The following RGMB variants were observed in gnomAD, a reference collection of about 807,000 sequenced individuals.
RGMB encodes repulsive guidance molecule BMP co-receptor b.
RGMB carries 16 observed loss-of-function variants against 26.9 expected under a neutral mutation model. The observed-to-expected ratio is 0.60, with a 90% confidence interval of 0.40 to 0.90. The LOEUF (loss-of-function observed/expected upper bound fraction) is 0.90, where lower values mean the gene tolerates loss of function less well. Among genes scored for constraint, RGMB ranks in the 40% least tolerant of loss-of-function variants. The pLI is 0.00. For missense variants in RGMB, 512 were observed against 573.3 expected, an observed-to-expected ratio of 0.89 and a Z score of 1.09; for synonymous variants, 225 against 229.3, an observed-to-expected ratio of 0.98 and a Z score of 0.17.
Position 98,774,021 on chromosome 5 carries a change from C to T in RGMB, c.-50C>T. 1.5e-6 allele frequency: 1 copy of T among 671,078 alleles called. No individual in the cohort carries two copies. 41.6% of individuals were successfully genotyped at this position (671,078 alleles called of 1,614,324 possible). A position where few individuals can be genotyped will look rare whatever the true frequency, so the allele number is the denominator to read the frequency against. ...AGCCACGGGCCCAGACCCGCCACGG[C>T]GCCCGCGCCGCCGCCCTCGCCGGAG... On this transcript the variant is annotated 5_prime_UTR_variant, in exon 1 of 3. Coordinates refer to ENST00000513185, the MANE Select transcript of RGMB (RefSeq NM_001366508.1).
Position 98,774,059 on chromosome 5 carries a change from G to A in RGMB, c.-12G>A. 1.1e-6 allele frequency: 1 copy of A among 900,972 alleles called. No individual in the cohort carries two copies. The highest frequency in any genetic ancestry group is 2.3e-5 in the Admixed American group (1 of 42,726). The allele number at this position is 900,972 out of a possible 1,614,324, so 55.8% of individuals were successfully genotyped here. A position where few individuals can be genotyped will look rare whatever the true frequency, so the allele number is the denominator to read the frequency against. Reference sequence around the variant, plus strand: ...GCCCTCGCCGGAGCCCACGAGACCTGCATGGACGGGCATGGGCTTGAGAGC... The same window carrying A: ...GCCCTCGCCGGAGCCCACGAGACCTACATGGACGGGCATGGGCTTGAGAGC... On this transcript the variant is annotated 5_prime_UTR_variant, in exon 1 of 3. Coordinates refer to ENST00000513185, the MANE Select transcript of RGMB (RefSeq NM_001366508.1).
chr5:98,784,026 G>C (rs1478739080), intron 2 of RGMB, among the ~76,000 whole-genome samples: 11 of 149,384 alleles, frequency 7.4e-5, no homozygotes, highest in Non-Finnish European at 1.7e-4. Flanking sequence ...AGGTCCTACT[G>C]CAGATCTTCT....
chr5:98,773,257 G>T (rs1746234798), upstream of RGMB: 1 of 152,192 alleles, frequency 6.6e-6, no homozygotes, highest in Non-Finnish European at 1.5e-5. Context: ...AAAACTTGGA[G>T]GGAAGATGAA....
intron 2 of RGMB, among the ~76,000 whole-genome samples, chr5:98,786,735 TGTCA>T (rs1301216180): frequency 1.3e-5 from 2 of 152,212 alleles, no homozygotes; most frequent in Non-Finnish European, 2.9e-5. Context: ...CTGGCCAACT[TGTCA>T]GTAAGTAATA....
At chr5:98,790,317 T>G (rs1746889539) in intron 2 of RGMB, among the ~76,000 whole-genome samples, 1 of 152,208 alleles carries the variant, frequency 6.6e-6, no homozygotes, top group Non-Finnish European at 1.5e-5. Flanking sequence ...ACACATATGC[T>G]CTGTGTGAGA....
At position 98,793,711 on chromosome 5, in the gene RGMB, C is replaced by T. The variant is rs1249108571; in HGVS notation, c.1272C>T (p.Val424=). ...GTPRGGSDLS[V]SLGLTCLILI... ...CCCGTGGAGGCAGTGATTTGTCTGTCAGTCTAGGACTCACCTGCTTGATCC... is the reference window on the plus strand; with the variant it reads ...CCCGTGGAGGCAGTGATTTGTCTGTTAGTCTAGGACTCACCTGCTTGATCC... The change falls in exon 3 of 3, where the codon GTC becomes GTT. Residue 424 remains valine, a synonymous_variant. Transcript: ENST00000513185. 6.2e-7 allele frequency: 1 copy of T among 1,605,488 alleles called. No individual in the cohort carries two copies. The highest frequency in any genetic ancestry group is 8.5e-7 in the Non-Finnish European group (1 of 1,175,796).
chr5:98,793,447 C>G lies in RGMB; in HGVS notation c.1008C>G (p.Ser336Arg). Residue 336 changes from serine (S) to arginine (R), a missense_variant, in exon 3 of 3, where the codon AGC becomes AGG. Coordinates refer to ENST00000513185, the MANE Select transcript of RGMB (RefSeq NM_001366508.1). ...AGGTGTCTGCCATCCTGGGACACAG[C>G]CTGCCTCGCACCTCCTTGGTGCAGG... is the stretch of plus-strand genomic sequence containing the variant. Reference protein sequence around the residue: ...QGQVSAILGHSLPRTSLVQAW... With the variant: ...QGQVSAILGHRLPRTSLVQAW... 7 of 1,612,404 alleles carry G rather than the reference C, an allele frequency of 4.3e-6. No homozygotes were observed. Among genetic ancestry groups the G allele is most frequent in the Non-Finnish European group, 5.9e-6 (7 of 1,179,324 alleles).
intron 2 of RGMB, among the ~76,000 whole-genome samples, chr5:98,782,295 A>G (rs1746633172): frequency 6.6e-6 from 1 of 152,214 alleles, no homozygotes; most frequent in Admixed American, 6.5e-5. Context: ...TAAATCTTAC[A>G]ATACGTTCCT....
At chr5:98,788,995 G>A (rs1285005342) in intron 2 of RGMB, among the ~76,000 whole-genome samples, 3 of 152,192 alleles carry the variant, frequency 2.0e-5, no homozygotes, top group South Asian at 2.1e-4. Context: ...CTCCCTTAGA[G>A]TCTTCTATTT....
In RGMB at chr5:98,793,746, T is replaced by G. The variant is rs756660945; in HGVS notation, c.1307T>G (p.Phe436Cys). Residue 436 changes from phenylalanine to cysteine, a missense_variant, in exon 3 of 3, where the codon TTT becomes TGT. Coordinates refer to ENST00000513185, the MANE Select transcript of RGMB (RefSeq NM_001366508.1). ...CTCACCTGCTTGATCCTTATCGTGT[T>G]TTTGTAGGGGTTGTCTTTTGTTTTG... Reference protein sequence around the residue: ...LGLTCLILIVFL With the variant: ...LGLTCLILIVCL The G allele has an allele frequency of 6.4e-7, 1 of 1,558,896 alleles. No individual in the cohort carries two copies. Among genetic ancestry groups the G allele is most frequent in the Non-Finnish European group, 8.7e-7 (1 of 1,150,592 alleles).
At chr5:98,783,095 G>T (rs1746659860) in intron 2 of RGMB, among the ~76,000 whole-genome samples, 1 of 152,134 alleles carries the variant, frequency 6.6e-6, no homozygotes, top group Non-Finnish European at 1.5e-5. Context: ...TTGTTTTCCT[G>T]TTGGTCATGG....
Position 98,783,833 on chromosome 5 carries a change from TAAAC to T in RGMB, c.645+3752_645+3755del, listed in dbSNP as rs971170699. ...TTCATTTATTATTAAGTTGCATACCTAAACAAACAATGGAAATGTTTTTAGTAAT... is the reference window on the plus strand; with the variant it reads ...TTCATTTATTATTAAGTTGCATACCTAAACAATGGAAATGTTTTTAGTAAT... On this transcript the variant is annotated intron_variant, in intron 2 of 2. Coordinates refer to ENST00000513185, the MANE Select transcript of RGMB (RefSeq NM_001366508.1). Among the ~76,000 whole-genome samples the T allele has an allele frequency of 7.8e-4, 119 of 152,360 alleles. 1 individual carries two copies. Among genetic ancestry groups the T allele is most frequent in the Non-Finnish European group, 1.0e-3 (70 of 68,030 alleles).
At chr5:98,770,913 A>AGCCCTTACTCTAGAAAGGATTGC (rs1296204267), upstream of RGMB, 201 of 391,854 alleles carry the variant, frequency 5.1e-4, 2 homozygotes, top group East Asian at 7.3e-3. Context: ...GCAGCCGGGG[A>AGCCCTTACTCTAGAAAGGATTGC]GCCCTTACTC....
intron 2 of RGMB, among the ~76,000 whole-genome samples, chr5:98,783,540 T>C (rs1041353301): frequency 3.3e-5 from 5 of 152,194 alleles, no homozygotes; most frequent in Non-Finnish European, 7.4e-5. Context: ...AACCAGATGA[T>C]CTGTTTTGAG....
intron 2 of RGMB, among the ~76,000 whole-genome samples, chr5:98,783,649 A>G (rs747221834): frequency 5.3e-5 from 8 of 152,216 alleles, no homozygotes; most frequent in South Asian, 2.1e-4. Context: ...AGTGGGTTCA[A>G]TAAGAATCTG....
In RGMB at chr5:98,793,931, G is replaced by T; in HGVS notation, c.*178G>T. 1.8e-6 allele frequency: 1 copy of T among 546,536 alleles called. No individual in the cohort carries two copies. The highest frequency in any genetic ancestry group is 3.0e-5 in the South Asian group (1 of 33,724). The allele number at this position is 546,536 out of a possible 1,614,324, so 33.9% of individuals were successfully genotyped here. On this transcript the variant is annotated 3_prime_UTR_variant, in exon 3 of 3. Coordinates refer to ENST00000513185, the MANE Select transcript of RGMB (RefSeq NM_001366508.1). ...GTGTTTGGCTGTTTTCACATATGTT[G>T]GATGTAGTGTTCTTTGATTGTATCA... is the stretch of plus-strand genomic sequence containing the variant.
chr5:98,772,895 G>C (rs1479572441), upstream of RGMB: 1 of 152,122 alleles, frequency 6.6e-6, no homozygotes, highest in Non-Finnish European at 1.5e-5. Flanking sequence ...CACTGTAACC[G>C]AACGTTGAAG....
intron 2 of RGMB, among the ~76,000 whole-genome samples, chr5:98,791,247 C>A (rs1028866618): frequency 3.9e-5 from 6 of 152,154 alleles, no homozygotes; most frequent in Non-Finnish European, 8.8e-5. Context: ...TTTCATAGTA[C>A]ATTGTCTGGC....
intron 2 of RGMB, chr5:98,780,924 T>G (rs1746581780): frequency 6.6e-6 from 1 of 151,398 alleles, no homozygotes; most frequent in Non-Finnish European, 1.5e-5. Context: ...GTAAAGTCAC[T>G]TTTCCACTAA....
Sources: allele counts gnomAD v4.1 joint callset (sites outside exome capture counted in the v4.1 genomes callset), GRCh38; gene constraint gnomAD v4.1.1; transcripts MANE v1.5; gene names NCBI Gene and HGNC (gene_info 2026-07-23, HGNC 2026-07-21).